The following PTPRA variants were observed in gnomAD, a reference collection of about 807,000 sequenced individuals.
The protein encoded by PTPRA is receptor-type tyrosine-protein phosphatase alpha.
A neutral mutation model predicts 104.8 loss-of-function variants in PTPRA; 25 were observed. The observed-to-expected ratio is 0.24, with a 90% CI of 0.17 to 0.33. The LOEUF (loss-of-function observed/expected upper bound fraction) is 0.33, where lower values mean the gene tolerates loss of function less well. PTPRA is among the 10% of genes least tolerant of loss of function. The pLI is 1.00. For missense variants in PTPRA, 765 were observed against 1,015.3 expected, an observed-to-expected ratio of 0.75 and a Z score of 3.35; for synonymous variants, 323 against 368.9, an observed-to-expected ratio of 0.88 and a Z score of 1.43.
chr20:3,021,940 T>G (rs773182474), intron 14 of PTPRA, 114 bp from the exon 15 acceptor site: 68 of 1,350,038 alleles, frequency 5.0e-5, no homozygotes, highest in Non-Finnish European at 6.7e-5. Flanking sequence ...CTAACTCCCC[T>G]GGGTACACTT....
Position 3,037,010 on chromosome 20 carries a change from A to G in PTPRA, c.2199-144A>G. On this transcript the variant is annotated intron_variant, in intron 22 of 23. Coordinates refer to ENST00000399903, the MANE Select transcript of PTPRA (RefSeq NM_001385305.1). The surrounding 1 kb of genome is among the most constrained non-coding windows in gnomAD (Gnocchi z 4.3). ...CACAGGGTACACTGCCTCCCGACCC[A>G]GAACCCCTCCAGGCTGGTGGGTCCA... is the stretch of plus-strand genomic sequence containing the variant. The G allele has an allele frequency of 1.7e-6, 2 of 1,178,484 alleles. No homozygotes were observed. The highest frequency in any genetic ancestry group is 2.9e-5 in the South Asian group (2 of 68,074). 73.0% of individuals were successfully genotyped at this position (1,178,484 alleles called of 1,614,324 possible).
chr20:2,958,396 G>A (rs1324896546), intron 3 of PTPRA, among the ~76,000 whole-genome samples: 1 of 152,062 alleles, frequency 6.6e-6, no homozygotes, highest in Non-Finnish European at 1.5e-5. Context: ...CCTAGATGGG[G>A]ATTTTGGTTG....
chr20:2,959,681 G>A (rs774051205), intron 3 of PTPRA, among the ~76,000 whole-genome samples: 3 of 152,050 alleles, frequency 2.0e-5, no homozygotes, highest in Non-Finnish European at 2.9e-5. Context: ...GGCCAGGCGC[G>A]GTGGCTCACA....
chr20:2,900,198 C>T (rs954861050), intron 1 of PTPRA, among the ~76,000 whole-genome samples: 3 of 152,012 alleles, frequency 2.0e-5, no homozygotes, highest in Non-Finnish European at 4.4e-5. Flanking sequence ...TGCCCTGTCA[C>T]CCAGGCGGTA....
chr20:2,973,396 A>G (rs993571424), intron 5 of PTPRA, among the ~76,000 whole-genome samples: 19 of 152,130 alleles, frequency 1.2e-4, no homozygotes, highest in African/African-American at 3.4e-4. Context: ...GCCACATCCC[A>G]TAGGTGTTTC....
intron 6 of PTPRA, among the ~76,000 whole-genome samples, chr20:2,976,513 A>G (rs576401132): frequency 3.3e-5 from 5 of 152,356 alleles, no homozygotes; most frequent in South Asian, 2.1e-4. Context: ...CAAAATTACC[A>G]TAATTACCTA....
At chr20:2,957,958 T>C (rs117181010) in intron 3 of PTPRA, among the ~76,000 whole-genome samples, 3,810 of 152,208 alleles carry the variant, frequency 0.025, 69 homozygotes, top group Non-Finnish European at 0.039. Flanking sequence ...ATTTTTTTTT[T>C]TTTTTAAGCA....
At chr20:3,019,853 C>T (rs1460994817) in intron 13 of PTPRA, among the ~76,000 whole-genome samples, 1 of 152,160 alleles carries the variant, frequency 6.6e-6, no homozygotes, top group Non-Finnish European at 1.5e-5. Flanking sequence ...TGGCAGATCA[C>T]TTGCGGTTAG....
At chr20:2,923,691 C>G (rs933185099) in intron 2 of PTPRA, among the ~76,000 whole-genome samples, 2 of 151,982 alleles carry the variant, frequency 1.3e-5, no homozygotes, top group East Asian at 3.9e-4. Flanking sequence ...CCCAGCTACT[C>G]GGGAGGCTGA....
chr20:2,870,793 A>G (rs2089418936), upstream of PTPRA, among the ~76,000 whole-genome samples: 1 of 152,214 alleles, frequency 6.6e-6, no homozygotes, highest in Admixed American at 6.5e-5. Context: ...GGTGGCTGCG[A>G]AATGCCTACC....
intron 1 of PTPRA, among the ~76,000 whole-genome samples, chr20:2,899,132 C>T (rs941122520): frequency 2.6e-5 from 4 of 152,104 alleles, no homozygotes; most frequent in South Asian, 2.1e-4. Context: ...ATCAGGAGTT[C>T]GAGACCAGCT....
chr20:2,990,841 T>C (rs1051759958), intron 9 of PTPRA, among the ~76,000 whole-genome samples: 3 of 152,166 alleles, frequency 2.0e-5, no homozygotes, highest in African/African-American at 7.2e-5. Flanking sequence ...ACCATTCATA[T>C]CTGCTCCATG....
intron 1 of PTPRA, among the ~76,000 whole-genome samples, chr20:2,903,502 A>G (rs947676550): frequency 4.6e-5 from 7 of 152,210 alleles, no homozygotes; most frequent in African/African-American, 1.7e-4. Flanking sequence ...CCTGGGCAAC[A>G]TAGCAAGACT....
intron 1 of PTPRA, among the ~76,000 whole-genome samples, chr20:2,900,043 G>A (rs910655411): frequency 4.6e-5 from 7 of 152,120 alleles, no homozygotes; most frequent in African/African-American, 1.7e-4. Flanking sequence ...CCAGGAGGTG[G>A]GGGCTGCAGT....
At chr20:2,864,830 C>T in the PTPRA span, 6 of 1,191,314 alleles carry the variant, frequency 5.0e-6, no homozygotes, top group South Asian at 8.0e-5. This position sits in a 1 kb window ranked among gnomAD's most constrained non-coding sequence, Gnocchi z 5.2. Context: ...GCTAGCCATC[C>T]CTCTAGGACA....
At chr20:2,967,006 C>G (rs1276916676) in intron 5 of PTPRA, among the ~76,000 whole-genome samples, 2 of 152,154 alleles carry the variant, frequency 1.3e-5, no homozygotes, top group Non-Finnish European at 2.9e-5. Flanking sequence ...ACTGAACAGC[C>G]CATGTTCTAT....
chr20:2,974,144 C>G (rs921233476), intron 5 of PTPRA, among the ~76,000 whole-genome samples: 2 of 151,252 alleles, frequency 1.3e-5, no homozygotes, highest in Admixed American at 1.3e-4. Context: ...TTATTAGAGA[C>G]AGGGTTTCAC....
intron 2 of PTPRA, among the ~76,000 whole-genome samples, chr20:2,931,394 T>G (rs551044373): frequency 6.6e-5 from 10 of 152,018 alleles, no homozygotes; most frequent in Admixed American, 2.6e-4. Flanking sequence ...GAGAATAAAT[T>G]GGGTTTAAAG....
intron 1 of PTPRA, among the ~76,000 whole-genome samples, chr20:2,889,335 C>T (rs1462583540): frequency 6.6e-6 from 1 of 152,086 alleles, no homozygotes; most frequent in Non-Finnish European, 1.5e-5. Context: ...AATTAAATTT[C>T]CTTAGATGTT....
Sources: allele counts gnomAD v4.1 joint callset (sites outside exome capture counted in the v4.1 genomes callset), GRCh38; gene constraint gnomAD v4.1.1; non-coding constraint Gnocchi (gnomAD v3.1); transcripts MANE v1.5; gene names NCBI Gene and HGNC (gene_info 2026-07-23, HGNC 2026-07-21).